Variants in POLR3G observed in about 807,000 individuals in gnomAD.
The protein encoded by POLR3G is RNA polymerase III subunit G, also known as DNA-directed RNA polymerase III subunit RPC7.
A neutral mutation model predicts 30.1 loss-of-function variants in POLR3G; 28 were observed. That is an observed-to-expected ratio of 0.93 (90% CI 0.69 to 1.27). POLR3G has a LOEUF of 1.27. Ranked by LOEUF, POLR3G falls within the 50% of genes most tolerant of loss-of-function variation. POLR3G has a pLI of 0.00. For synonymous variants in POLR3G, 79 were observed against 82.5 expected, an observed-to-expected ratio of 0.96 and a Z score of 0.23; for missense variants, 254 against 264.6, an observed-to-expected ratio of 0.96 and a Z score of 0.28.
chr5:90,477,951 A>T (rs973395846), intron 1 of POLR3G, among the ~76,000 whole-genome samples: 4 of 152,200 alleles, frequency 2.6e-5, no homozygotes, highest in African/African-American at 4.8e-5. Flanking sequence ...GTAAAGTTAC[A>T]AAGTCATTTA....
At chr5:90,474,441 G>C, upstream of POLR3G, 1 of 706,914 alleles carries the variant, frequency 1.4e-6, no homozygotes, top group Non-Finnish European at 2.4e-6. Flanking sequence ...GGATGCGGGG[G>C]TCGGAATAGG....
intron 7 of POLR3G, among the ~76,000 whole-genome samples, chr5:90,511,323 G>T (rs1428613494): frequency 7.3e-6 from 1 of 137,058 alleles, no homozygotes; most frequent in Admixed American, 7.1e-5. Flanking sequence ...AATTTTCTTG[G>T]TTGTCTCAAA....
At chr5:90,484,978 A>G (rs1019563026) in intron 1 of POLR3G, among the ~76,000 whole-genome samples, 1 of 152,190 alleles carries the variant, frequency 6.6e-6, no homozygotes, top group Non-Finnish European at 1.5e-5. Context: ...GGTTTATCAT[A>G]ACTTTAATGA....
At chr5:90,508,012 T>A (rs1752570898) in intron 7 of POLR3G, among the ~76,000 whole-genome samples, 1 of 152,190 alleles carries the variant, frequency 6.6e-6, no homozygotes, top group South Asian at 2.1e-4. Flanking sequence ...AAGCCAACTT[T>A]GATCATTTCC....
chr5:90,495,074 C>A (rs1168120939), intron 3 of POLR3G, among the ~76,000 whole-genome samples: 2 of 152,098 alleles, frequency 1.3e-5, no homozygotes, highest in Non-Finnish European at 2.9e-5. Flanking sequence ...CTAGAAAAAC[C>A]TGATCTCTTG....
chr5:90,501,835 C>T (rs377374758), intron 5 of POLR3G, 71 bp from the exon 6 acceptor site: 28 of 1,559,342 alleles, frequency 1.8e-5, no homozygotes, highest in African/African-American at 2.7e-5. Context: ...GGACAGCATA[C>T]GCAAAGACAA....
At chr5:90,481,204 A>G (rs1391058031) in intron 1 of POLR3G, among the ~76,000 whole-genome samples, 2 of 152,188 alleles carry the variant, frequency 1.3e-5, no homozygotes, top group Non-Finnish European at 2.9e-5. Flanking sequence ...TGGACACTTT[A>G]TACTTAATGA....
rs188909675 is a variant in POLR3G at position 90,496,248 on chromosome 5, A to G, written c.304+515A>G. 2.2e-3 allele frequency among the ~76,000 whole-genome samples: 328 copies of G among 152,284 alleles called. 1 individual carries two copies. The highest frequency in any genetic ancestry group is 5.7e-3 in the African/African-American group (235 of 41,570). ...CTCCCAAAGTGCTGGGATTACAGGC[A>G]TGAGCCAACACCCCCCACCCTTAAT... On this transcript the variant is annotated intron_variant, in intron 4 of 7. Coordinates refer to ENST00000651687, the MANE Select transcript of POLR3G (RefSeq NM_006467.3).
chr5:90,503,147 G>C (rs569024873), intron 6 of POLR3G, among the ~76,000 whole-genome samples: 1 of 152,240 alleles, frequency 6.6e-6, no homozygotes, highest in African/African-American at 2.4e-5. Context: ...CTTATTCTGT[G>C]CCAGCCTCCT....
intron 1 of POLR3G, among the ~76,000 whole-genome samples, chr5:90,482,963 A>G (rs1751219268): frequency 6.6e-6 from 1 of 152,110 alleles, no homozygotes; most frequent in Non-Finnish European, 1.5e-5. Context: ...CAACATGGAG[A>G]AACCCCGTCT....
chr5:90,477,787 ATACT>A (rs1181956404), intron 1 of POLR3G, among the ~76,000 whole-genome samples: 1 of 152,226 alleles, frequency 6.6e-6, no homozygotes, highest in African/African-American at 2.4e-5. Flanking sequence ...ACAAAAGCAG[ATACT>A]TACTGAAAAT....
rs527363614 is a variant in POLR3G at position 90,513,954 on chromosome 5, T to G, written c.*1815T>G. On this transcript the variant is annotated 3_prime_UTR_variant, in exon 8 of 8. Coordinates refer to ENST00000651687, the MANE Select transcript of POLR3G (RefSeq NM_006467.3). ...ATCAATATTGTTCTATTTACCTACT[T>G]ATAAATCTGCAGATAACCACTTGAA... The G allele has an allele frequency of 6.6e-6, 1 of 152,326 alleles. No homozygotes were observed. The highest frequency in any genetic ancestry group is 2.4e-5 in the African/African-American group (1 of 41,580). The allele number at this position is 152,326 out of a possible 1,614,324, so 9.4% of individuals were successfully genotyped here.
chr5:90,480,927 T>A (rs1371672289), intron 1 of POLR3G, among the ~76,000 whole-genome samples: 1 of 152,176 alleles, frequency 6.6e-6, no homozygotes. Flanking sequence ...ACTCAGCAAT[T>A]GAAACAAGTC....
chr5:90,510,005 C>T (rs1166967154), intron 7 of POLR3G, among the ~76,000 whole-genome samples: 1 of 152,122 alleles, frequency 6.6e-6, no homozygotes, highest in Admixed American at 6.5e-5. Flanking sequence ...GTTTTCAATA[C>T]TCTTGAAAGG....
intron 6 of POLR3G, among the ~76,000 whole-genome samples, chr5:90,504,137 A>C (rs1312393178): frequency 6.6e-6 from 1 of 152,006 alleles, no homozygotes; most frequent in Admixed American, 6.6e-5. Context: ...AACCTATTTT[A>C]TGAGTCTGAT....
intron 5 of POLR3G, 79 bp from the exon 6 acceptor site, chr5:90,501,827 A>G (rs1752257143): frequency 2.6e-6 from 4 of 1,524,274 alleles, no homozygotes; most frequent in South Asian, 1.2e-5. Context: ...ACGATGCTGG[A>G]CAGCATACGC....
chr5:90,511,913 GA>G (rs1187636957), intron 7 of POLR3G, 139 bp from the exon 8 acceptor site: 1 of 613,534 alleles, frequency 1.6e-6, no homozygotes, highest in African/African-American at 1.9e-5. Flanking sequence ...TGGTCTTAAG[GA>G]AGAAAGCGGC....
Position 90,512,735 on chromosome 5 carries a change from C to G in POLR3G, c.*596C>G, listed in dbSNP as rs1437977163. The G allele has an allele frequency of 6.6e-6, 1 of 152,542 alleles. No homozygotes were observed. Among genetic ancestry groups the G allele is most frequent in the Non-Finnish European group, 1.5e-5 (1 of 68,016 alleles). The allele number at this position is 152,542 out of a possible 1,614,324, so 9.4% of individuals were successfully genotyped here. On this transcript the variant is annotated 3_prime_UTR_variant, in exon 8 of 8. Transcript: ENST00000651687. ...ATACCAAACTGAGCAATATAAATTT[C>G]ACAGCTCACATCTTAGCCAGTACAA... is the stretch of plus-strand genomic sequence containing the variant.
At chr5:90,473,978 G>C, upstream of POLR3G, 1 of 1,598,538 alleles carries the variant, frequency 6.3e-7, no homozygotes, top group South Asian at 1.1e-5. Flanking sequence ...CCAGCGCCTC[G>C]GCCTCGGCGT....
Sources: allele counts gnomAD v4.1 joint callset (sites outside exome capture counted in the v4.1 genomes callset), GRCh38; gene constraint gnomAD v4.1.1; transcripts MANE v1.5; gene names NCBI Gene and HGNC (gene_info 2026-07-23, HGNC 2026-07-21).